Variants in ABTB3 observed in about 807,000 individuals in gnomAD.
ABTB3 encodes the protein ankyrin repeat and BTB domain containing 3.
the ABTB3 span, among the ~76,000 whole-genome samples, chr12:107,383,899 T>C: frequency 6.6e-6 from 1 of 152,126 alleles, no homozygotes; most frequent in Non-Finnish European, 1.5e-5. Flanking sequence ...GGGCCTTTCA[T>C]TGTGAAAGCT....
At chr12:107,414,732 T>G in the ABTB3 span, among the ~76,000 whole-genome samples, 1 of 151,156 alleles carries the variant, frequency 6.6e-6, no homozygotes, top group Admixed American at 6.6e-5. Context: ...CTTTTTTTTT[T>G]TTTGAGGCAG....
At chr12:107,458,250 TC>T in the ABTB3 span, among the ~76,000 whole-genome samples, 1 of 152,146 alleles carries the variant, frequency 6.6e-6, no homozygotes, top group African/African-American at 2.4e-5. Flanking sequence ...TCGTCCCCAC[TC>T]CCAGGGGAAT....
chr12:107,617,924 G>A, the ABTB3 span, among the ~76,000 whole-genome samples: 7 of 151,946 alleles, frequency 4.6e-5, no homozygotes, highest in Non-Finnish European at 1.0e-4. Context: ...AGATTTTTGA[G>A]GAAATCACTT....
the ABTB3 span, among the ~76,000 whole-genome samples, chr12:107,436,101 A>G: frequency 2.6e-5 from 4 of 152,216 alleles, no homozygotes; most frequent in African/African-American, 7.2e-5. Flanking sequence ...CTGTGCCACC[A>G]GCACAGCCCA....
chr12:107,615,050 T>C, the ABTB3 span: 1 of 1,604,598 alleles, frequency 6.2e-7, no homozygotes, highest in South Asian at 1.1e-5. Flanking sequence ...ATAACTTCAA[T>C]TTGTTTATAG....
the ABTB3 span, chr12:107,635,417 G>C: frequency 6.2e-7 from 1 of 1,600,014 alleles, no homozygotes; most frequent in South Asian, 1.1e-5. Flanking sequence ...GGCCTGTGTT[G>C]GCTGCTGCTT....
the ABTB3 span, among the ~76,000 whole-genome samples, chr12:107,556,294 C>T: frequency 2.0e-5 from 3 of 152,100 alleles, no homozygotes; most frequent in Admixed American, 6.5e-5. Context: ...CAGGGTTTTT[C>T]CATGTTGGTC....
the ABTB3 span, among the ~76,000 whole-genome samples, chr12:107,386,021 AG>A: frequency 4.8e-5 from 5 of 105,180 alleles, no homozygotes; most frequent in Non-Finnish European, 1.1e-4. Flanking sequence ...ACCTTGACCC[AG>A]GGTTCTCTGG....
At chr12:107,325,189 C>CA in the ABTB3 span, among the ~76,000 whole-genome samples, 1 of 152,216 alleles carries the variant, frequency 6.6e-6, no homozygotes, top group Non-Finnish European at 1.5e-5. Flanking sequence ...TTAATTAACA[C>CA]AAGCCCTCAC....
the ABTB3 span, among the ~76,000 whole-genome samples, chr12:107,402,481 G>A: frequency 6.6e-6 from 1 of 152,170 alleles, no homozygotes; most frequent in Non-Finnish European, 1.5e-5. Context: ...TGAAGTAATG[G>A]AGGGCCCTTG....
chr12:107,437,916 G>A, the ABTB3 span, among the ~76,000 whole-genome samples: 1 of 152,120 alleles, frequency 6.6e-6, no homozygotes, highest in Admixed American at 6.5e-5. Context: ...GTATTGGGGG[G>A]TGGGGGTGGT....
the ABTB3 span, among the ~76,000 whole-genome samples, chr12:107,382,698 G>T: frequency 6.6e-6 from 1 of 151,618 alleles, no homozygotes; most frequent in Admixed American, 6.6e-5. Flanking sequence ...CTCATAAGTG[G>T]GAGTTGAACA....
chr12:107,600,725 G>A, the ABTB3 span, among the ~76,000 whole-genome samples: 1,934 of 152,318 alleles, frequency 0.013, 23 homozygotes, highest in Middle Eastern at 0.041. Context: ...GAGGAGCCTT[G>A]GAATTTGCTC....
At chr12:107,518,307 C>A in the ABTB3 span, among the ~76,000 whole-genome samples, 1 of 152,098 alleles carries the variant, frequency 6.6e-6, no homozygotes, top group African/African-American at 2.4e-5. Flanking sequence ...AAGACACATG[C>A]ACATGTATGT....
chr12:107,612,032 C>A, the ABTB3 span, among the ~76,000 whole-genome samples: 1 of 152,138 alleles, frequency 6.6e-6, no homozygotes, highest in Non-Finnish European at 1.5e-5. Context: ...AGTTAGATAT[C>A]TTTTATGGTT....
the ABTB3 span, among the ~76,000 whole-genome samples, chr12:107,506,392 G>A: frequency 1.4e-4 from 22 of 152,096 alleles, no homozygotes; most frequent in Non-Finnish European, 1.6e-4. Flanking sequence ...GGGAAAACAT[G>A]TGTGCATGAC....
chr12:107,476,805 T>G, the ABTB3 span, among the ~76,000 whole-genome samples: 1 of 151,248 alleles, frequency 6.6e-6, no homozygotes, highest in South Asian at 2.1e-4. Flanking sequence ...TGTGAGGGAA[T>G]GCATGAAGTG....
At chr12:107,599,007 A>G in the ABTB3 span, among the ~76,000 whole-genome samples, 1 of 152,140 alleles carries the variant, frequency 6.6e-6, no homozygotes, top group Non-Finnish European at 1.5e-5. Flanking sequence ...CCTCCAGTCA[A>G]CCATAGCTGT....
At chr12:107,600,721 C>G in the ABTB3 span, among the ~76,000 whole-genome samples, 1 of 152,204 alleles carries the variant, frequency 6.6e-6, no homozygotes, top group Non-Finnish European at 1.5e-5. Flanking sequence ...TGGAGAGGAG[C>G]CTTGGAATTT....
Sources: allele counts gnomAD v4.1 joint callset (sites outside exome capture counted in the v4.1 genomes callset), GRCh38; gene constraint gnomAD v4.1.1; transcripts MANE v1.5; gene names NCBI Gene and HGNC (gene_info 2026-07-23, HGNC 2026-07-21).